The following RCAN1 variants were observed in gnomAD, a reference collection of about 807,000 sequenced individuals.
RCAN1 encodes regulator of calcineurin 1, also known as calcipressin-1.
Under a neutral mutation model 22.9 loss-of-function variants are expected in RCAN1, and 11 were observed. The ratio of observed to expected loss-of-function variants is 0.48; its 90% CI spans 0.30 to 0.79. The LOEUF is 0.79. Among genes scored for constraint, RCAN1 ranks in the 30% least tolerant of loss-of-function variants. The pLI is 0.06. For missense variants in RCAN1, 291 were observed against 337.8 expected (o/e 0.86, Z 1.09); for synonymous variants, 136 against 142.3 (o/e 0.96, Z 0.32).
intron 1 of RCAN1, among the ~76,000 whole-genome samples, chr21:34,552,055 C>A (rs1227100769): frequency 6.6e-6 from 1 of 152,096 alleles, no homozygotes; most frequent in Non-Finnish European, 1.5e-5. Context: ...TCCTCTCCAT[C>A]CTAGGGTGTT....
rs377303551 is a variant in RCAN1, at chr21:34,614,569, T to C, written c.252+191A>G. ...TGAGCTCCGCGCGCCCCGGGGGTGCTAGGGGACCGGGACCCTCGGGGCGCC... is the reference window on the plus strand; with the variant it reads ...TGAGCTCCGCGCGCCCCGGGGGTGCCAGGGGACCGGGACCCTCGGGGCGCC... On this transcript the variant is annotated intron_variant, in intron 1 of 3. Transcript: ENST00000313806. This position sits in a 1 kb window ranked among gnomAD's most constrained non-coding sequence, Gnocchi z 6.0. The C allele has an allele frequency of 2.7e-4, 263 of 991,618 alleles. 1 individual carries two copies. In the East Asian group the frequency reaches 0.014, roughly 53 times the overall value. The allele number at this position is 991,618 out of a possible 1,614,324, so 61.4% of individuals were successfully genotyped here.
At chr21:34,551,091 T>A (rs535969220) in intron 1 of RCAN1, among the ~76,000 whole-genome samples, 4 of 152,214 alleles carry the variant, frequency 2.6e-5, no homozygotes, top group African/African-American at 4.8e-5. Context: ...TTGGTAATCA[T>A]CTGGAATGGG....
intron 1 of RCAN1, among the ~76,000 whole-genome samples, chr21:34,583,575 G>T (rs1426442543): frequency 6.6e-6 from 1 of 152,188 alleles, no homozygotes; most frequent in African/African-American, 2.4e-5. Context: ...ACAGAGGGAA[G>T]ACCATGTGAG....
chr21:34,566,098 T>A (rs1986997703), intron 1 of RCAN1, among the ~76,000 whole-genome samples: 1 of 152,250 alleles, frequency 6.6e-6, no homozygotes, highest in Admixed American at 6.5e-5. Flanking sequence ...CAGAGCTGCA[T>A]AAAGATGAAA....
chr21:34,567,266 C>G (rs547571130), intron 1 of RCAN1, among the ~76,000 whole-genome samples: 1 of 152,116 alleles, frequency 6.6e-6, no homozygotes, highest in African/African-American at 2.4e-5. Context: ...GAGGCCAAGG[C>G]GGGAGGATCA....
chr21:34,540,141 A>G (rs56338725), intron 1 of RCAN1, among the ~76,000 whole-genome samples: 36,350 of 152,148 alleles, frequency 0.24, 5,045 homozygotes, highest in African/African-American at 0.38. Flanking sequence ...GGAAGGTTAC[A>G]TAATAAACTT....
At chr21:34,602,235 C>T (rs1302938983) in intron 1 of RCAN1, among the ~76,000 whole-genome samples, 2 of 152,114 alleles carry the variant, frequency 1.3e-5, no homozygotes, top group Non-Finnish European at 2.9e-5. Flanking sequence ...GGCACAGCCC[C>T]GAAGGCAGCC....
intron 1 of RCAN1, among the ~76,000 whole-genome samples, chr21:34,529,852 G>T (rs528562293): frequency 5.3e-4 from 81 of 152,236 alleles, no homozygotes; most frequent in African/African-American, 1.9e-3. Flanking sequence ...ATTGAATCAT[G>T]GGGGGCCAGT....
chr21:34,566,160 C>A (rs2834546), intron 1 of RCAN1, among the ~76,000 whole-genome samples: 36,811 of 152,022 alleles, frequency 0.24, 5,190 homozygotes, highest in African/African-American at 0.39. Flanking sequence ...TAGGTAGAGG[C>A]CGGGCAACCA....
At chr21:34,610,629 C>T (rs1450448998) in intron 1 of RCAN1, among the ~76,000 whole-genome samples, 3 of 152,192 alleles carry the variant, frequency 2.0e-5, no homozygotes, top group African/African-American at 2.4e-5. Flanking sequence ...GGTTCCCAAC[C>T]TCAGCTAACA....
In RCAN1 at chr21:34,523,713, G is replaced by GA; in HGVS notation, c.253-4dup. On this transcript the variant is annotated splice_polypyrimidine_tract_variant and splice_region_variant and intron_variant, in intron 1 of 3. Transcript: ENST00000313806. Reference sequence around the variant, plus strand: ...CTAAAGAGGGACTCAAATTTGGCCTGAAAAATAACAATAAAAATAAAAGGA... The same window carrying GA: ...CTAAAGAGGGACTCAAATTTGGCCTGAAAAAATAACAATAAAAATAAAAGGA... The GA allele has an allele frequency of 6.2e-7, 1 of 1,607,488 alleles. No homozygotes were observed. The highest frequency in any genetic ancestry group is 1.7e-4 in the Middle Eastern group (1 of 6,020).
chr21:34,547,174 G>A (rs567007542), intron 1 of RCAN1, among the ~76,000 whole-genome samples: 6 of 152,276 alleles, frequency 3.9e-5, no homozygotes, highest in Non-Finnish European at 8.8e-5. Context: ...CGGGTTCCAC[G>A]TCACCCAGGT....
intron 1 of RCAN1, 187 bp from the exon 2 acceptor site, chr21:34,523,897 C>A: frequency 2.3e-6 from 1 of 435,876 alleles, no homozygotes; most frequent in Non-Finnish European, 4.2e-6. Context: ...ATTCTCCTGC[C>A]TCAGCCTCCC....
chr21:34,611,990 T>C (rs780917040), intron 1 of RCAN1, among the ~76,000 whole-genome samples: 6 of 152,160 alleles, frequency 3.9e-5, no homozygotes, highest in East Asian at 1.9e-4. Context: ...GACCCTAGAA[T>C]TGGACATCAG....
intron 1 of RCAN1, among the ~76,000 whole-genome samples, chr21:34,541,165 A>G (rs1985895452): frequency 6.6e-6 from 1 of 152,280 alleles, no homozygotes; most frequent in Non-Finnish European, 1.5e-5. Flanking sequence ...CTTGTGTGTC[A>G]CAGACACTCA....
At chr21:34,597,412 G>C (rs1988198288) in intron 1 of RCAN1, among the ~76,000 whole-genome samples, 1 of 152,162 alleles carries the variant, frequency 6.6e-6, no homozygotes, top group South Asian at 2.1e-4. Context: ...CACCACCCTA[G>C]GGAGTCCTCC....
At chr21:34,588,158 A>G (rs1333102017) in intron 1 of RCAN1, among the ~76,000 whole-genome samples, 1 of 152,240 alleles carries the variant, frequency 6.6e-6, no homozygotes, top group African/African-American at 2.4e-5. Context: ...TGTAGTCAAT[A>G]AGCATTTCAT....
At chr21:34,529,851 TG>T (rs557224587) in intron 1 of RCAN1, among the ~76,000 whole-genome samples, 12 of 152,130 alleles carry the variant, frequency 7.9e-5, no homozygotes, top group Non-Finnish European at 2.9e-5. Context: ...AATTGAATCA[TG>T]GGGGGCCAGT....
At chr21:34,583,635 A>C (rs1212665965) in intron 1 of RCAN1, among the ~76,000 whole-genome samples, 3 of 152,210 alleles carry the variant, frequency 2.0e-5, no homozygotes, top group South Asian at 4.1e-4. Context: ...AGGCCTCAGG[A>C]GGAGCCAAAG....
Sources: gnomAD v4.1 joint callset for allele counts (sites outside exome capture counted in the v4.1 genomes callset) on GRCh38, gnomAD v4.1.1 for gene constraint, Gnocchi (gnomAD v3.1) non-coding constraint, MANE v1.5 for transcripts, NCBI Gene and HGNC (gene_info 2026-07-23, HGNC 2026-07-21) for gene names.